The following COLQ variants were observed in gnomAD, a reference collection of about 807,000 sequenced individuals.
COLQ encodes the protein collagen like tail subunit of asymmetric acetylcholinesterase, also known as acetylcholinesterase collagenic tail peptide.
Under a neutral mutation model 69.0 loss-of-function variants are expected in COLQ, and 48 were observed. That is an observed-to-expected ratio of 0.70 (90% CI 0.55 to 0.88). The LOEUF (loss-of-function observed/expected upper bound fraction) is 0.88. Among genes scored for constraint, COLQ ranks in the 40% least tolerant of loss-of-function variants. COLQ has a pLI of 0.00. For missense variants in COLQ, 618 were observed against 594.6 expected (o/e 1.04, Z -0.41); for synonymous variants, 217 against 211.2 (o/e 1.03, Z -0.24).
At position 15,453,873 on chromosome 3, in the gene COLQ, G is replaced by A. The variant is rs777147864; in HGVS notation, c.1254C>T (p.Asp418=). The A allele has an allele frequency of 1.7e-5, 27 of 1,612,098 alleles. No homozygotes were observed. Among genetic ancestry groups the A allele is most frequent in the Admixed American group, 6.7e-5 (4 of 59,880 alleles). ...GHRHEGVEDC[D]GSDFGYLTCE... ...ATGTCAGGTAGCCAAAGTCAGAGCC[G>A]TCACAGTCCTCCACACCCTCATGCC... The change falls in exon 16 of 17, where the codon GAC becomes GAT. Residue 418 remains aspartate (D), a synonymous_variant. Transcript: ENST00000383788.
intron 3 of COLQ, among the ~76,000 whole-genome samples, chr3:15,481,794 T>TGG (rs1174383943): frequency 3.9e-5 from 6 of 152,342 alleles, no homozygotes; most frequent in Non-Finnish European, 8.8e-5. Flanking sequence ...AATCTATAAA[T>TGG]TACCTTGGGC....
intron 13 of COLQ, 26 bp downstream of exon 13, chr3:15,458,160 C>T: frequency 2.5e-6 from 4 of 1,612,482 alleles, no homozygotes; most frequent in South Asian, 1.1e-5. Flanking sequence ...GGATAACCAC[C>T]CCAGACTTCT....
intron 2 of COLQ, 65 bp downstream of exon 2, chr3:15,489,460 G>A (rs990035562): frequency 5.5e-6 from 8 of 1,455,762 alleles, no homozygotes; most frequent in Non-Finnish European, 7.7e-6. Flanking sequence ...CAGGCAGGTG[G>A]GGCTGCGTGG....
intron 1 of COLQ, among the ~76,000 whole-genome samples, chr3:15,515,744 T>C (rs1035512328): frequency 1.3e-5 from 2 of 152,148 alleles, no homozygotes; most frequent in African/African-American, 4.8e-5. Context: ...AGGTGGAGGT[T>C]GCAGTGAGCT....
intron 8 of COLQ, 135 bp downstream of exon 8, chr3:15,474,790 G>A: frequency 9.4e-7 from 1 of 1,065,038 alleles, no homozygotes. Flanking sequence ...CACTGACAAA[G>A]GGTGGGGAAT....
intron 15 of COLQ, among the ~76,000 whole-genome samples, chr3:15,454,340 C>T (rs1461375917): frequency 6.6e-6 from 1 of 152,210 alleles, no homozygotes; most frequent in Non-Finnish European, 1.5e-5. Context: ...CTGTGTGACA[C>T]TGGTGAGCCC....
chr3:15,493,739 G>A (rs752268555), intron 1 of COLQ, among the ~76,000 whole-genome samples: 10 of 152,224 alleles, frequency 6.6e-5, no homozygotes, highest in Non-Finnish European at 1.2e-4. Context: ...CTCAACAGAG[G>A]CTGTGGGAGG....
At chr3:15,519,388 G>C (rs2063105333) in intron 1 of COLQ, among the ~76,000 whole-genome samples, 1 of 152,230 alleles carries the variant, frequency 6.6e-6, no homozygotes. Context: ...TGGGAGGAGA[G>C]AGAAGATGGT....
At chr3:15,454,576 G>A (rs1238056408) in intron 15 of COLQ, among the ~76,000 whole-genome samples, 3 of 151,600 alleles carry the variant, frequency 2.0e-5, no homozygotes, top group Non-Finnish European at 4.4e-5. Context: ...GCTGTCGGGA[G>A]ACAGTTCGGC....
chr3:15,469,729 T>C (rs1689332533), intron 11 of COLQ, among the ~76,000 whole-genome samples: 1 of 152,056 alleles, frequency 6.6e-6, no homozygotes, highest in Admixed American at 6.6e-5. Context: ...CTTTGGAAAA[T>C]AAGGCCTAGG....
In COLQ at chr3:15,466,373, C is replaced by T. The variant is rs1444378942; in HGVS notation, c.782G>A (p.Gly261Asp). 2 of 1,613,990 alleles carry T rather than the reference C, an allele frequency of 1.2e-6. No homozygotes were observed. The highest frequency in any genetic ancestry group is 1.7e-6 in the Non-Finnish European group (2 of 1,180,024). The change falls in exon 12 of 17, where the codon GGC (glycine) becomes GAC (aspartate). Residue 261 changes from glycine to aspartate, a missense_variant. Transcript: ENST00000383788. ...PGKPGPSGQP[G>D]RPGPPGPPPA... Reference sequence around the variant, plus strand: ...TGGGGGGCCTGGGGGCCCCGGACGGCCAGGTTGACCAGAAGGCCCAGGCTT... The same window carrying T: ...TGGGGGGCCTGGGGGCCCCGGACGGTCAGGTTGACCAGAAGGCCCAGGCTT...
Position 15,479,379 on chromosome 3 carries a change from G to A in COLQ, c.325C>T (p.Pro109Ser). ...GSPGPPGPQG[P>S]PGLPGKTGPK... ...CCTGTCTTGCCAGGAAGCCCCGGTGGACCCTAATCAATCAAGATAAAAAGT... is the reference window on the plus strand; with the variant it reads ...CCTGTCTTGCCAGGAAGCCCCGGTGAACCCTAATCAATCAAGATAAAAAGT... Residue 109 changes from proline (P) to serine (S), a missense_variant, in exon 4 of 17, where the codon CCA becomes TCA. By Grantham distance (74) the Pro-to-Ser change is moderately conservative (BLOSUM62 -1). Coordinates refer to ENST00000383788, the MANE Select transcript of COLQ (RefSeq NM_005677.4). The A allele has an allele frequency of 2.5e-6, 4 of 1,614,028 alleles. No homozygotes were observed. Among genetic ancestry groups the A allele is most frequent in the Non-Finnish European group, 3.4e-6 (4 of 1,179,920 alleles).
chr3:15,469,529 G>A (rs952305489), intron 11 of COLQ, among the ~76,000 whole-genome samples: 30 of 152,160 alleles, frequency 2.0e-4, no homozygotes, highest in African/African-American at 6.8e-4. Context: ...AACTTCGAAA[G>A]TTACTGCACA....
chr3:15,457,110 C>T (rs1559512305), intron 13 of COLQ, among the ~76,000 whole-genome samples: 1 of 152,130 alleles, frequency 6.6e-6, no homozygotes, highest in Non-Finnish European at 1.5e-5. Flanking sequence ...AGGCATGAGC[C>T]ACCGCGCCCG....
chr3:15,454,246 GT>G (rs2061993345), intron 15 of COLQ, among the ~76,000 whole-genome samples: 1 of 152,196 alleles, frequency 6.6e-6, no homozygotes, highest in Admixed American at 6.5e-5. Context: ...TAAAGCCAGT[GT>G]GGGGGTCCCG....
intron 3 of COLQ, among the ~76,000 whole-genome samples, chr3:15,482,333 A>G (rs1225529874): frequency 6.6e-6 from 1 of 152,160 alleles, no homozygotes; most frequent in African/African-American, 2.4e-5. Context: ...TCAGTATGAT[A>G]TTGGCTACGG....
Position 15,450,161 on chromosome 3 carries a change from A to C in COLQ, c.*1483T>G. On this transcript the variant is annotated 3_prime_UTR_variant, in exon 17 of 17. Coordinates refer to ENST00000383788, the MANE Select transcript of COLQ (RefSeq NM_005677.4). Reference sequence around the variant, plus strand: ...GGAAATGAACTGCCTTTATTTTTTTATTTCCCATCCAGAAACCCCAGTGTG... The same window carrying C: ...GGAAATGAACTGCCTTTATTTTTTTCTTTCCCATCCAGAAACCCCAGTGTG... The C allele has an allele frequency of 6.6e-6, 1 of 152,274 alleles. No homozygotes were observed. Among genetic ancestry groups the C allele is most frequent in the Non-Finnish European group, 1.5e-5 (1 of 67,970 alleles). The allele number at this position is 152,274 out of a possible 1,614,324, so 9.4% of individuals were successfully genotyped here. A position where few individuals can be genotyped will look rare whatever the true frequency, so the allele number is the denominator to read the frequency against.
At chr3:15,465,502 G>A (rs1475942088) in intron 12 of COLQ, among the ~76,000 whole-genome samples, 2 of 151,090 alleles carry the variant, frequency 1.3e-5, no homozygotes, top group Non-Finnish European at 2.9e-5. Context: ...TCCTGATCTC[G>A]TGATCTGCCC....
intron 1 of COLQ, among the ~76,000 whole-genome samples, chr3:15,499,068 G>T (rs1231901281): frequency 6.7e-6 from 1 of 148,510 alleles, no homozygotes; most frequent in Non-Finnish European, 1.5e-5. Context: ...TCTGCTTCAG[G>T]GAAGACCTTC....
Sources: allele counts gnomAD v4.1 joint callset (sites outside exome capture counted in the v4.1 genomes callset), GRCh38; gene constraint gnomAD v4.1.1; transcripts MANE v1.5; gene names NCBI Gene and HGNC (gene_info 2026-07-23, HGNC 2026-07-21).